The following DAO variants were observed in gnomAD, a reference collection of about 807,000 sequenced individuals.
DAO encodes D-amino-acid oxidase.
Under a neutral mutation model 50.1 loss-of-function variants are expected in DAO, and 51 were observed. The observed-to-expected ratio is 1.02, with a 90% CI of 0.81 to 1.29. The LOEUF (loss-of-function observed/expected upper bound fraction) is 1.29. Among genes scored for constraint, DAO ranks in the 50% most tolerant of loss-of-function variants. The pLI is 0.00. For synonymous variants in DAO, 160 were observed against 166.2 expected (o/e 0.96, Z 0.29); for missense variants, 436 against 439.4 (o/e 0.99, Z 0.07).
rs569084287 is a variant in DAO at position 108,891,410 on chromosome 12, A to G, written c.452+1137A>G. 2.3e-4 allele frequency among the ~76,000 whole-genome samples: 34 copies of G among 150,726 alleles called. 1 individual carries two copies. In the South Asian group the frequency reaches 7.2e-3, roughly 32 times the overall value. On this transcript the variant is annotated intron_variant, in intron 5 of 10. Transcript: ENST00000228476. ...GGCTGCAGTGAGCTGTGATCATGCC[A>G]CTGCACTCCAGCCTGGGTGACAGGG...
In DAO at chr12:108,900,605, C is replaced by T. The variant is rs939809015; in HGVS notation, c.*70C>T. The T allele has an allele frequency of 1.9e-6, 3 of 1,580,284 alleles. No homozygotes were observed. Among genetic ancestry groups the T allele is most frequent in the South Asian group, 2.2e-5 (2 of 89,808 alleles). Reference sequence around the variant, plus strand: ...CCCTCAGCCAATGAATCAATGTGCTCCTTCATAAGCCATTGCTTCTCCCTC... The same window carrying T: ...CCCTCAGCCAATGAATCAATGTGCTTCTTCATAAGCCATTGCTTCTCCCTC... On this transcript the variant is annotated 3_prime_UTR_variant, in exon 11 of 11. Transcript: ENST00000228476.
At chr12:108,899,549 C>G in intron 10 of DAO, 74 bp downstream of exon 10, 1 of 1,257,160 alleles carries the variant, frequency 8.0e-7, no homozygotes, top group East Asian at 2.5e-5. Flanking sequence ...AGGGAACAGT[C>G]ATGTCTGATC....
intron 5 of DAO, 91 bp from the exon 6 acceptor site, chr12:108,892,891 G>A (rs1178027379): frequency 2.6e-6 from 3 of 1,138,870 alleles, no homozygotes; most frequent in Non-Finnish European, 4.0e-6. Flanking sequence ...GTCCGCAGAA[G>A]GTTGTTTGGG....
At position 108,887,565 on chromosome 12, in the gene DAO, G is replaced by A. The variant is rs758549798; in HGVS notation, c.309+1G>A. On this transcript the variant is annotated splice_donor_variant, in intron 3 of 10. Coordinates refer to ENST00000228476, the MANE Select transcript of DAO (RefSeq NM_001917.5). LOFTEE classifies it high-confidence loss of function. Reference sequence around the variant, plus strand: ...CAACCTCTTCCATGAAGCCATTCCGGTGGGTGAACAGTTCTTGACCATGAG... The same window carrying A: ...CAACCTCTTCCATGAAGCCATTCCGATGGGTGAACAGTTCTTGACCATGAG... 1.2e-6 allele frequency: 2 copies of A among 1,607,770 alleles called. No individual in the cohort carries two copies. Among genetic ancestry groups the A allele is most frequent in the Admixed American group, 3.3e-5 (2 of 59,994 alleles).
chr12:108,892,909 C>T (rs1008708399), intron 5 of DAO, 73 bp from the exon 6 acceptor site: 8 of 1,401,328 alleles, frequency 5.7e-6, no homozygotes, highest in South Asian at 1.2e-5. Flanking sequence ...GGGAAAGGTC[C>T]CTGTGCCACC....
chr12:108,881,162 TCACACACACA>T (rs66697500), intron 1 of DAO, among the ~76,000 whole-genome samples: 5 of 139,328 alleles, frequency 3.6e-5, no homozygotes, highest in Middle Eastern at 7.2e-3. Context: ...GACATTCTAA[TCACACACACA>T]CACACACACA....
At chr12:108,899,284 GTGA>G in intron 9 of DAO, 90 bp from the exon 10 acceptor site, 1 of 794,554 alleles carries the variant, frequency 1.3e-6, no homozygotes, top group Non-Finnish European at 2.2e-6. Context: ...AGTGGTGGTG[GTGA>G]TGAGATTCTA....
In DAO at chr12:108,894,494, T is replaced by C. The variant is rs1273912091; in HGVS notation, c.612+127T>C. ...GAGGAACCCCCCGGACTGCAGGGAATTGACATGTAAAAAAAACAAACCTGT... is the reference window on the plus strand; with the variant it reads ...GAGGAACCCCCCGGACTGCAGGGAACTGACATGTAAAAAAAACAAACCTGT... On this transcript the variant is annotated intron_variant, in intron 7 of 10. Transcript: ENST00000228476. 7 of 803,922 alleles carry C rather than the reference T, an allele frequency of 8.7e-6. No homozygotes were observed. The East Asian group carries it at 1.6e-4, about 19-fold the overall frequency. 49.8% of individuals were successfully genotyped at this position (803,922 alleles called of 1,614,324 possible).
intron 5 of DAO, among the ~76,000 whole-genome samples, chr12:108,891,740 A>G (rs2137352755): frequency 6.6e-6 from 1 of 152,174 alleles, no homozygotes; most frequent in East Asian, 1.9e-4. Flanking sequence ...CTGGGACCAC[A>G]TGCATGTGCC....
At chr12:108,894,205 G>T in intron 6 of DAO, 58 bp from the exon 7 acceptor site, 1 of 1,296,520 alleles carries the variant, frequency 7.7e-7, no homozygotes, top group Non-Finnish European at 1.1e-6. Context: ...AGAGAGAACA[G>T]GGAATACCAG....
chr12:108,889,958 C>G (rs1198578077), intron 4 of DAO, among the ~76,000 whole-genome samples: 1 of 152,158 alleles, frequency 6.6e-6, no homozygotes, highest in Non-Finnish European at 1.5e-5. Context: ...CCACACCACA[C>G]CTGAATCCCC....
At chr12:108,881,003 C>T (rs73410945) in intron 1 of DAO, among the ~76,000 whole-genome samples, 17,970 of 152,012 alleles carry the variant, frequency 0.12, 1,782 homozygotes, top group East Asian at 0.33. Context: ...AACCTCAGTC[C>T]CAGCCTCCAG....
At position 108,900,943 on chromosome 12, in the gene DAO, T is replaced by C. The variant is rs77079970; in HGVS notation, c.*408T>C. 51,889 of 259,162 alleles carry C rather than the reference T, an allele frequency of 0.2. 6,600 individuals carry two copies. The highest frequency in any genetic ancestry group is 0.46 in the East Asian group (4,366 of 9,442). 16.1% of individuals were successfully genotyped at this position (259,162 alleles called of 1,614,324 possible). On this transcript the variant is annotated 3_prime_UTR_variant, in exon 11 of 11. Coordinates refer to ENST00000228476, the MANE Select transcript of DAO (RefSeq NM_001917.5). ...TGCAGCAAAGACAACTATCTGATGT[T>C]GTTTAACCCAGTGCTTGCTAAACCT... is the stretch of plus-strand genomic sequence containing the variant.
At chr12:108,899,257 A>T in intron 9 of DAO, 120 bp from the exon 10 acceptor site, 1 of 724,036 alleles carries the variant, frequency 1.4e-6, no homozygotes. Context: ...ATTGATAAAG[A>T]TGACTGTGAT....
At chr12:108,884,468 TC>T (rs1470938327) in intron 1 of DAO, among the ~76,000 whole-genome samples, 3 of 152,220 alleles carry the variant, frequency 2.0e-5, no homozygotes, top group African/African-American at 7.2e-5. Flanking sequence ...CAGTAGGTGC[TC>T]CACAAATGTC....
At chr12:108,883,054 GCAGA>G (rs1240417732) in intron 1 of DAO, among the ~76,000 whole-genome samples, 1 of 152,034 alleles carries the variant, frequency 6.6e-6, no homozygotes, top group Non-Finnish European at 1.5e-5. Context: ...CGGAAATTAT[GCAGA>G]CAGTCAAAAA....
chr12:108,896,699 G>C (rs986206758), intron 7 of DAO, among the ~76,000 whole-genome samples: 1 of 152,074 alleles, frequency 6.6e-6, no homozygotes, highest in Non-Finnish European at 1.5e-5. Context: ...CTGTTCAGTC[G>C]GTTGGGGACT....
chr12:108,900,250 C>T (rs1593168985), intron 10 of DAO, 154 bp from the exon 11 acceptor site: 5 of 903,874 alleles, frequency 5.5e-6, no homozygotes, highest in East Asian at 5.0e-5. Flanking sequence ...GGGGTCCCCA[C>T]CATTCCACCC....
rs1373285389 is a variant in DAO, at chr12:108,885,053, C to T, written c.47C>T (p.Ala16Val). The T allele has an allele frequency of 6.2e-7, 1 of 1,614,188 alleles. No homozygotes were observed. Among genetic ancestry groups the T allele is most frequent in the Non-Finnish European group, 8.5e-7 (1 of 1,180,036 alleles). Reference sequence around the variant, plus strand: ...GCAGGAGTCATCGGGCTGTCCACCGCCCTCTGCATCCATGAGCGCTACCAC... The same window carrying T: ...GCAGGAGTCATCGGGCTGTCCACCGTCCTCTGCATCCATGAGCGCTACCAC... ...IGAGVIGLST[A>V]LCIHERYHSV... is the part of the protein sequence containing the mutation. Residue 16 changes from alanine (A) to valine (V), a missense_variant, in exon 2 of 11, where the codon GCC becomes GTC. Coordinates refer to ENST00000228476, the MANE Select transcript of DAO (RefSeq NM_001917.5).
Sources: allele counts gnomAD v4.1 joint callset (sites outside exome capture counted in the v4.1 genomes callset), GRCh38; gene constraint gnomAD v4.1.1; transcripts MANE v1.5; gene names NCBI Gene and HGNC (gene_info 2026-07-23, HGNC 2026-07-21).